Variants in DMRT1 observed in about 807,000 individuals in gnomAD.
The protein encoded by DMRT1 is doublesex- and mab-3-related transcription factor 1.
DMRT1 carries 7 observed loss-of-function variants against 32.3 expected under a neutral mutation model. The observed-to-expected ratio is 0.22, with a 90% confidence interval of 0.12 to 0.41. The LOEUF (loss-of-function observed/expected upper bound fraction) is 0.41. Among genes scored for constraint, DMRT1 ranks in the 10% least tolerant of loss-of-function variants. The pLI, the probability that DMRT1 is intolerant of heterozygous loss-of-function variation, is 1.00. For synonymous variants in DMRT1, 278 were observed against 206.1 expected (o/e 1.35, Z -2.99); for missense variants, 625 against 500.5 (o/e 1.25, Z -2.37).
At chr9:871,529 G>A (rs1179437230) in intron 2 of DMRT1, among the ~76,000 whole-genome samples, 2 of 137,080 alleles carry the variant, frequency 1.5e-5, no homozygotes. Flanking sequence ...TTTTGGTAGA[G>A]ACGGGGTTTC....
At position 893,763 on chromosome 9, in the gene DMRT1, T is replaced by C. The variant is rs548101943; in HGVS notation, c.539-149T>C. ...AGCGAACCTTAGAAACTCTCCCTTA[T>C]TTTGGCTATAGGAGAAGCAACAGAT... is the stretch of plus-strand genomic sequence containing the variant. On this transcript the variant is annotated intron_variant, in intron 2 of 4. Coordinates refer to ENST00000382276, the MANE Select transcript of DMRT1 (RefSeq NM_021951.3). 19 of 710,348 alleles carry C rather than the reference T, an allele frequency of 2.7e-5. No homozygotes were observed. The Admixed American group carries it at 3.9e-4, about 15-fold the overall frequency. 44.0% of individuals were successfully genotyped at this position (710,348 alleles called of 1,614,324 possible).
intron 2 of DMRT1, among the ~76,000 whole-genome samples, chr9:870,020 C>G (rs773153500): frequency 6.6e-6 from 1 of 152,088 alleles, no homozygotes; most frequent in Non-Finnish European, 1.5e-5. Flanking sequence ...TTGTATTGAA[C>G]GAATAAGTTT....
intron 2 of DMRT1, among the ~76,000 whole-genome samples, chr9:887,778 C>T (rs1220747051): frequency 1.3e-5 from 2 of 152,196 alleles, no homozygotes; most frequent in Non-Finnish European, 2.9e-5. Flanking sequence ...TCTATACTGT[C>T]ACTGCGGCAC....
At chr9:942,177 G>T (rs1819096369) in intron 4 of DMRT1, among the ~76,000 whole-genome samples, 1 of 152,116 alleles carries the variant, frequency 6.6e-6, no homozygotes, top group Non-Finnish European at 1.5e-5. Context: ...TAAATCTTTT[G>T]ATTAACTTTT....
chr9:872,927 C>G (rs1816335342), intron 2 of DMRT1, among the ~76,000 whole-genome samples: 1 of 152,138 alleles, frequency 6.6e-6, no homozygotes, highest in Non-Finnish European at 1.5e-5. Context: ...TTCATCTGGG[C>G]CAGCTGATTG....
At chr9:950,417 C>G (rs72701048) in intron 4 of DMRT1, among the ~76,000 whole-genome samples, 4,864 of 152,020 alleles carry the variant, frequency 0.032, 259 homozygotes, top group African/African-American at 0.11. Flanking sequence ...ACATTCAGAT[C>G]CTGAGTACAA....
chr9:892,542 C>T, intron 2 of DMRT1, among the ~76,000 whole-genome samples: 1 of 152,160 alleles, frequency 6.6e-6, no homozygotes, highest in African/African-American at 2.4e-5. Context: ...GTCCCTGGAA[C>T]AGGCTCCTCT....
At chr9:883,912 C>T (rs914601451) in intron 2 of DMRT1, among the ~76,000 whole-genome samples, 1 of 152,112 alleles carries the variant, frequency 6.6e-6, no homozygotes, top group African/African-American at 2.4e-5. Context: ...TTTTGCCTGA[C>T]TGGTATGTAA....
At chr9:911,958 C>G (rs10816035) in intron 3 of DMRT1, among the ~76,000 whole-genome samples, 94,428 of 151,916 alleles carry the variant, frequency 0.62, 32,486 homozygotes, top group Non-Finnish European at 0.78. Flanking sequence ...AGTTCATGTA[C>G]TAGTCTGTTC....
At chr9:920,070 T>C (rs200450347) in intron 4 of DMRT1, among the ~76,000 whole-genome samples, 5 of 152,278 alleles carry the variant, frequency 3.3e-5, no homozygotes, top group East Asian at 1.9e-4. Flanking sequence ...TAACTTTGCA[T>C]GTGTTAAGTT....
chr9:873,281 T>A (rs1816351929), intron 2 of DMRT1, among the ~76,000 whole-genome samples: 1 of 152,040 alleles, frequency 6.6e-6, no homozygotes, highest in South Asian at 2.1e-4. Flanking sequence ...TTTTTTTAAG[T>A]TTGAATTGTA....
At chr9:853,238 C>T (rs890193897) in intron 2 of DMRT1, among the ~76,000 whole-genome samples, 1 of 152,030 alleles carries the variant, frequency 6.6e-6, no homozygotes, top group Non-Finnish European at 1.5e-5. Context: ...GATGAACTTA[C>T]ACTGATGCAT....
chr9:954,194 C>G (rs1035113501), intron 4 of DMRT1, among the ~76,000 whole-genome samples: 2 of 152,036 alleles, frequency 1.3e-5, no homozygotes, highest in Non-Finnish European at 2.9e-5. Context: ...CTTGAAATGC[C>G]AGGCTAGGGA....
Position 913,688 on chromosome 9 carries a change from A to C in DMRT1, c.823-3075A>C, listed in dbSNP as rs1010613015. On this transcript the variant is annotated intron_variant, in intron 3 of 4. Transcript: ENST00000382276. ...GGCGGGCGGATCACTTGAGGCCAGG[A>C]ATTTGAGACCAGCCTAGGCAACATG... 3.9e-5 allele frequency among the ~76,000 whole-genome samples: 6 copies of C among 151,950 alleles called. No homozygotes were observed. The East Asian group carries it at 1.2e-3, about 29-fold the overall frequency.
chr9:874,010 G>T (rs1372930398), intron 2 of DMRT1, among the ~76,000 whole-genome samples: 1 of 152,164 alleles, frequency 6.6e-6, no homozygotes, highest in Non-Finnish European at 1.5e-5. Context: ...TACAGAGTAT[G>T]GTGACCATGT....
chr9:922,367 G>A (rs947799448), intron 4 of DMRT1, among the ~76,000 whole-genome samples: 7 of 152,276 alleles, frequency 4.6e-5, no homozygotes, highest in African/African-American at 7.2e-5. Flanking sequence ...TGGCCACTTC[G>A]TAGTAACAGA....
chr9:861,435 A>G (rs1815662741), intron 2 of DMRT1, among the ~76,000 whole-genome samples: 1 of 152,234 alleles, frequency 6.6e-6, no homozygotes, highest in Non-Finnish European at 1.5e-5. Context: ...TTCCTAGTAC[A>G]GAACAAAATG....
intron 2 of DMRT1, among the ~76,000 whole-genome samples, chr9:870,323 T>A (rs1208031470): frequency 1.3e-5 from 2 of 152,058 alleles, no homozygotes; most frequent in Admixed American, 1.3e-4. Context: ...CGCTTGAACC[T>A]GGGAGGCGGA....
chr9:903,765 G>A (rs1033390811), intron 3 of DMRT1, among the ~76,000 whole-genome samples: 3 of 152,190 alleles, frequency 2.0e-5, no homozygotes, highest in Non-Finnish European at 2.9e-5. Flanking sequence ...TGGATACCTG[G>A]GGCCCTGGAG....
Sources: gnomAD v4.1 joint callset for allele counts (sites outside exome capture counted in the v4.1 genomes callset) on GRCh38, gnomAD v4.1.1 for gene constraint, MANE v1.5 for transcripts, NCBI Gene and HGNC (gene_info 2026-07-23, HGNC 2026-07-21) for gene names.